The following MAP4K4 variants were observed in gnomAD, a reference collection of about 807,000 sequenced individuals.
The protein encoded by MAP4K4 is mitogen-activated protein kinase kinase kinase kinase 4.
MAP4K4 carries 38 observed loss-of-function variants against 189.6 expected under a neutral mutation model. That is an observed-to-expected ratio of 0.20 (90% CI 0.15 to 0.26). The LOEUF is 0.26. Among genes scored for constraint, MAP4K4 ranks in the 10% least tolerant of loss-of-function variants. The pLI is 1.00. For missense variants in MAP4K4, 1,054 were observed against 1,726.9 expected (o/e 0.61, Z 6.91); for synonymous variants, 610 against 624.3 (o/e 0.98, Z 0.34).
At chr2:101,784,820 T>C (rs999047131) in intron 2 of MAP4K4, among the ~76,000 whole-genome samples, 3 of 152,226 alleles carry the variant, frequency 2.0e-5, no homozygotes, top group Admixed American at 6.5e-5. Context: ...TGGTCATTTT[T>C]GTTCCAGGTC....
chr2:101,742,243 T>G (rs552777878), intron 2 of MAP4K4, among the ~76,000 whole-genome samples: 145 of 152,262 alleles, frequency 9.5e-4, no homozygotes, highest in African/African-American at 3.4e-3. Flanking sequence ...CTTTGGAGGC[T>G]TCCCAGGCAG....
intron 24 of MAP4K4, among the ~76,000 whole-genome samples, chr2:101,873,098 A>G (rs1160048552): frequency 1.3e-5 from 2 of 152,148 alleles, no homozygotes; most frequent in Non-Finnish European, 2.9e-5. Flanking sequence ...TGTCATTTGC[A>G]CCTTTCACTA....
exon 4 of MAP4K4, chr2:101,824,044 C>T: frequency 6.3e-7 from 1 of 1,586,932 alleles, no homozygotes; most frequent in Non-Finnish European, 8.6e-7. Context: ...GACATGATGA[C>T]CAACTCTGGG....
At chr2:101,812,381 A>C (rs1348520782) in intron 3 of MAP4K4, among the ~76,000 whole-genome samples, 1 of 152,222 alleles carries the variant, frequency 6.6e-6, no homozygotes, top group African/African-American at 2.4e-5. Context: ...GGAGGACATC[A>C]GCAGTGTCTC....
intron 27 of MAP4K4, among the ~76,000 whole-genome samples, chr2:101,877,449 G>A (rs1577257890): frequency 6.6e-6 from 1 of 151,212 alleles, no homozygotes. Context: ...CCAATATGTA[G>A]GTCTGTGTCC....
At position 101,890,698 on chromosome 2, in the gene MAP4K4, G is replaced by A. The variant is rs370037778; in HGVS notation, c.4072-468G>A. ...TCTTGAACTCCTGACCTCATGGTCC[G>A]CCTACGTCGGCCTCCCAAAGTGCTG... On this transcript the variant is annotated intron_variant, in intron 32 of 32. Transcript: ENST00000324219. 9.2e-5 allele frequency among the ~76,000 whole-genome samples: 14 copies of A among 152,066 alleles called. No homozygotes were observed. The South Asian group carries it at 1.2e-3, about 14-fold the overall frequency.
intron 5 of MAP4K4, among the ~76,000 whole-genome samples, chr2:101,827,293 G>A (rs933818731): frequency 6.6e-6 from 1 of 152,096 alleles, no homozygotes; most frequent in Non-Finnish European, 1.5e-5. Flanking sequence ...CATCTAGAAT[G>A]GGAGTTTTTC....
At chr2:101,886,100 A>G (rs1192942150) in intron 29 of MAP4K4, among the ~76,000 whole-genome samples, 1 of 152,370 alleles carries the variant, frequency 6.6e-6, no homozygotes, top group South Asian at 2.1e-4. Flanking sequence ...TCGCTTAAAA[A>G]ATAATATTCA....
chr2:101,723,389 A>G (rs1356909826), intron 2 of MAP4K4, among the ~76,000 whole-genome samples: 1 of 152,230 alleles, frequency 6.6e-6, no homozygotes, highest in East Asian at 1.9e-4. Flanking sequence ...AGATGTTTAG[A>G]TGCATATCTT....
At chr2:101,745,972 TTGTGTG>T (rs5832985) in intron 2 of MAP4K4, among the ~76,000 whole-genome samples, 18,260 of 146,514 alleles carry the variant, frequency 0.12, 1,318 homozygotes, top group South Asian at 0.17. Context: ...CCTGTTTCCT[TTGTGTG>T]TGTGTGTGTG....
chr2:101,748,137 T>C (rs1018285689), intron 2 of MAP4K4, among the ~76,000 whole-genome samples: 8 of 152,232 alleles, frequency 5.3e-5, no homozygotes, highest in Non-Finnish European at 1.0e-4. Flanking sequence ...TAGTATTTCA[T>C]AGAATTTTTG....
rs1350784439 is a variant in MAP4K4 at position 101,760,504 on chromosome 2, AT to A, written c.124-30215del. On this transcript the variant is annotated intron_variant, in intron 2 of 32. Coordinates refer to ENST00000324219, the Ensembl canonical transcript of MAP4K4. The stretch of plus-strand genomic sequence containing the variant: ...CTCCATCTCAAAAAAAAAAAACAAA[AT>A]ATATATATATATATATATGTATATA... Among the ~76,000 whole-genome samples the A allele has an allele frequency of 3.1e-3, 35 of 11,222 alleles. 1 individual carries two copies. Among genetic ancestry groups the A allele is most frequent in the African/African-American group, 0.012 (23 of 1,890 alleles). The allele number at this position is 11,222 out of a possible 152,430, so 7.4% of individuals were successfully genotyped here.
intron 2 of MAP4K4, among the ~76,000 whole-genome samples, chr2:101,709,529 C>T (rs2044245042): frequency 6.6e-6 from 1 of 152,150 alleles, no homozygotes; most frequent in African/African-American, 2.4e-5. Flanking sequence ...AACAAGAATA[C>T]AGTTTCTTTC....
At chr2:101,815,864 T>G (rs1335504322) in intron 3 of MAP4K4, among the ~76,000 whole-genome samples, 3 of 151,942 alleles carry the variant, frequency 2.0e-5, no homozygotes. Context: ...TTCCGAGGAA[T>G]CCTTTGGGAT....
chr2:101,704,787 A>T (rs1339250546), intron 2 of MAP4K4, among the ~76,000 whole-genome samples: 1 of 151,380 alleles, frequency 6.6e-6, no homozygotes, highest in African/African-American at 2.4e-5. Context: ...CTCGAACTCG[A>T]GTCAGGGTAA....
intron 15 of MAP4K4, 57 bp downstream of exon 15, chr2:101,859,921 T>C: frequency 6.8e-7 from 1 of 1,481,390 alleles, no homozygotes. Flanking sequence ...TAACGACTCT[T>C]CAGAACTGTG....
Position 101,869,348 on chromosome 2 carries a change from A to G in MAP4K4, c.2464-274A>G, listed in dbSNP as rs538699851. Among the ~76,000 whole-genome samples, 191 of 151,992 alleles carry G rather than the reference A, an allele frequency of 1.3e-3. 1 individual carries two copies. Among genetic ancestry groups the G allele is most frequent in the African/African-American group, 4.5e-3 (187 of 41,510 alleles). ...AACAGTAATACTATCAGCTTAACAT[A>G]AGCAGATCTTTTTTTTATTGTCATG... On this transcript the variant is annotated intron_variant, in intron 21 of 32. Transcript: ENST00000324219.
chr2:101,730,382 T>C (rs1394009453), intron 2 of MAP4K4, among the ~76,000 whole-genome samples: 1 of 152,192 alleles, frequency 6.6e-6, no homozygotes, highest in Non-Finnish European at 1.5e-5. Context: ...TGCCCCGCTC[T>C]CCTTTTTGGG....
At chr2:101,824,897 A>G (rs2096281136) in intron 4 of MAP4K4, among the ~76,000 whole-genome samples, 1 of 152,248 alleles carries the variant, frequency 6.6e-6, no homozygotes, top group African/African-American at 2.4e-5. Context: ...CATTAGACCC[A>G]GTTAATATAA....
Sources: allele counts gnomAD v4.1 joint callset (sites outside exome capture counted in the v4.1 genomes callset), GRCh38; gene constraint gnomAD v4.1.1; transcripts MANE v1.5; gene names NCBI Gene and HGNC (gene_info 2026-07-23, HGNC 2026-07-21).